DYNC1H1: variants seen among roughly 807,000 people sequenced by gnomAD.
The protein encoded by DYNC1H1 is cytoplasmic dynein 1 heavy chain 1.
DYNC1H1 carries 51 observed loss-of-function variants against 527.1 expected under a neutral mutation model. The observed-to-expected ratio is 0.10, with a 90% CI of 0.08 to 0.12. DYNC1H1 has a LOEUF of 0.12. Ranked by LOEUF, DYNC1H1 falls within the 10% of genes least tolerant of loss-of-function variation. The probability of loss-of-function intolerance (pLI) is 1.00; values close to 1 mark genes in which losing one functional copy is unlikely to be tolerated. For synonymous variants in DYNC1H1, 2,189 were observed against 2,278.8 expected (o/e 0.96, Z 1.12); for missense variants, 2,771 against 5,971.8 (o/e 0.46, Z 17.66).
At position 102,049,551 on chromosome 14, in the gene DYNC1H1, C is replaced by T. The variant is rs2048775145; in HGVS notation, c.13484C>T (p.Ala4495Val). 6.2e-7 allele frequency: 1 copy of T among 1,613,994 alleles called. No homozygotes were observed. The highest frequency in any genetic ancestry group is 1.1e-5 in the South Asian group (1 of 91,080). Residue 4495 changes from alanine (A) to valine (V), a missense_variant, in exon 75 of 78, where the codon GCA becomes GTA. Ala to Val is a moderately conservative substitution (Grantham distance 64). Transcript: ENST00000360184. This position sits in a 1 kb window ranked among gnomAD's most constrained non-coding sequence, Gnocchi z 5.5. ...RIKQLQNISL[A>V]AASGGAKELK... Reference sequence around the variant, plus strand: ...AAACAGCTGCAGAACATCTCACTGGCAGCTGCATCTGGTGGCGCCAAGGAG... The same window carrying T: ...AAACAGCTGCAGAACATCTCACTGGTAGCTGCATCTGGTGGCGCCAAGGAG...
rs1406415488 is a variant in DYNC1H1 at position 101,964,691 on chromosome 14, C to A, written c.-1C>A. On this transcript the variant is annotated 5_prime_UTR_variant, in exon 1 of 78. Transcript: ENST00000360184. This position sits in a 1 kb window ranked among gnomAD's most constrained non-coding sequence, Gnocchi z 5.5. ...TCCTGGAAGGTCCCGAGCGCGACAC[C>A]ATGTCGGAGCCCGGGGGCGGCGGCG... 5.0e-6 allele frequency: 8 copies of A among 1,589,438 alleles called. No homozygotes were observed. Among genetic ancestry groups the A allele is most frequent in the Non-Finnish European group, 6.8e-6 (8 of 1,173,294 alleles).
At chr14:101,990,466 A>T (rs2047984077) in intron 10 of DYNC1H1, among the ~76,000 whole-genome samples, 1 of 152,238 alleles carries the variant, frequency 6.6e-6, no homozygotes, top group Admixed American at 6.5e-5. Context: ...TGGGGAAGGC[A>T]CAAATGACAA....
intron 7 of DYNC1H1, among the ~76,000 whole-genome samples, chr14:101,984,450 ATTTT>A (rs34383305): frequency 4.3e-5 from 3 of 69,956 alleles, no homozygotes; most frequent in African/African-American, 1.9e-4. Flanking sequence ...TATATATTAT[ATTTT>A]TTTTTTTTTT....
At chr14:102,008,100 T>G in intron 28 of DYNC1H1, 78 bp from the exon 29 acceptor site, 2 of 1,600,096 alleles carry the variant, frequency 1.2e-6, no homozygotes, top group Non-Finnish European at 1.7e-6. Context: ...ATCAACATAC[T>G]GATTTGTGGC....
intron 18 of DYNC1H1, 138 bp downstream of exon 18, chr14:102,000,537 T>C (rs1311552166): frequency 1.2e-6 from 1 of 845,484 alleles, no homozygotes; most frequent in Non-Finnish European, 1.9e-6. Flanking sequence ...TCATTTACAT[T>C]ATTCGTCCAA....
In DYNC1H1 at chr14:102,034,883, G is replaced by A. The variant is rs139783304; in HGVS notation, c.10754+431G>A. On this transcript the variant is annotated intron_variant, in intron 56 of 77. Coordinates refer to ENST00000360184, the MANE Select transcript of DYNC1H1 (RefSeq NM_001376.5). ...AGAGGTTGCGGTGAGCCGAGATCAC[G>A]CCACTGCACCCCAGCCTGGGCAACA... 1,599 of 275,040 alleles carry A rather than the reference G, an allele frequency of 5.8e-3. 7 individuals are homozygous for A. Among genetic ancestry groups the A allele is most frequent in the Admixed American group, 8.6e-3 (179 of 20,772 alleles). The allele number at this position is 275,040 out of a possible 1,614,324, so 17.0% of individuals were successfully genotyped here.
rs1279048488 is a variant in DYNC1H1 at position 101,995,596 on chromosome 14, G to C, written c.3564+296G>C. On this transcript the variant is annotated intron_variant, in intron 15 of 77. Coordinates refer to ENST00000360184, the MANE Select transcript of DYNC1H1 (RefSeq NM_001376.5). Reference sequence around the variant, plus strand: ...ACTGCATTCCAGCCTGGGCAACAGAGTGAGACTCCGTCTCAAAAAAAAAAA... The same window carrying C: ...ACTGCATTCCAGCCTGGGCAACAGACTGAGACTCCGTCTCAAAAAAAAAAA... Among the ~76,000 whole-genome samples the C allele has an allele frequency of 2.0e-5, 3 of 149,372 alleles. No homozygotes were observed. The East Asian group carries it at 5.9e-4, about 30-fold the overall frequency.
In DYNC1H1 at chr14:102,055,444, C is replaced by G. The variant is rs1194119367; in HGVS notation, c.*4881C>G. 1 of 152,422 alleles carries G rather than the reference C, an allele frequency of 6.6e-6. No individual in the cohort carries two copies. The highest frequency in any genetic ancestry group is 1.5e-5 in the Non-Finnish European group (1 of 68,116). The allele number at this position is 152,422 out of a possible 1,614,324, so 9.4% of individuals were successfully genotyped here. ...GTCTCTGAAGCTGGGAGAACATGAC[C>G]CCATGCTCTCCTGTTGGAGTCACCA... On this transcript the variant is annotated 3_prime_UTR_variant, in exon 78 of 78. Transcript: ENST00000360184.
intron 11 of DYNC1H1, among the ~76,000 whole-genome samples, chr14:101,993,188 G>A (rs2048017900): frequency 6.6e-6 from 1 of 151,998 alleles, no homozygotes; most frequent in Admixed American, 6.6e-5. Flanking sequence ...TCATGGTATT[G>A]TCCTTGATTC....
Position 102,016,569 on chromosome 14 carries a change from C to T in DYNC1H1, c.7614+80C>T. 2 of 1,611,550 alleles carry T rather than the reference C, an allele frequency of 1.2e-6. No homozygotes were observed. The highest frequency in any genetic ancestry group is 1.1e-5 in the South Asian group (1 of 90,826). On this transcript the variant is annotated intron_variant, in intron 37 of 77. Transcript: ENST00000360184. The surrounding 1 kb of genome is among the most constrained non-coding windows in gnomAD (Gnocchi z 7.3). ...ATCCTGGAACAAGCTGACCATGGACCTTGGCTTCGTCTTTTCATTTTATTC... is the reference window on the plus strand; with the variant it reads ...ATCCTGGAACAAGCTGACCATGGACTTTGGCTTCGTCTTTTCATTTTATTC...
At position 102,000,178 on chromosome 14, in the gene DYNC1H1, G is replaced by T. The variant is rs532480116; in HGVS notation, c.3960+34G>T. On this transcript the variant is annotated intron_variant, in intron 17 of 77. Coordinates refer to ENST00000360184, the MANE Select transcript of DYNC1H1 (RefSeq NM_001376.5). Reference sequence around the variant, plus strand: ...CACTGGGGAGTGGGTGGAGAATCCCGCTCCCCACCCGGACTCTGCCATTGA... The same window carrying T: ...CACTGGGGAGTGGGTGGAGAATCCCTCTCCCCACCCGGACTCTGCCATTGA... 29 of 1,613,926 alleles carry T rather than the reference G, an allele frequency of 1.8e-5. 1 individual carries two copies. Among genetic ancestry groups the T allele is most frequent in the Middle Eastern group, 1.6e-4 (1 of 6,084 alleles).
Position 102,039,057 on chromosome 14 carries a change from G to A in DYNC1H1, c.11263G>A (p.Glu3755Lys), listed in dbSNP as rs2048611326. The change falls in exon 60 of 78, where the codon GAG becomes AAG. Residue 3755 changes from glutamate (E) to lysine (K), a missense_variant. Physicochemically the swap from Glu to Lys is moderately conservative, Grantham distance 56 (BLOSUM62 1). This residue lies in a region of DYNC1H1 where 283 missense variants were observed against 737.6 expected (regional missense o/e 0.38). Transcript: ENST00000360184. This position sits in a 1 kb window ranked among gnomAD's most constrained non-coding sequence, Gnocchi z 7.0. Reference protein sequence around the residue: ...LEKSLLQALNEVKGRILDDDT... With the variant: ...LEKSLLQALNKVKGRILDDDT... ...AAAATCTCTACTACAAGCTCTGAACGAGGTGAAAGGGCGCATTTTGGATGA... is the reference window on the plus strand; with the variant it reads ...AAAATCTCTACTACAAGCTCTGAACAAGGTGAAAGGGCGCATTTTGGATGA... 1.2e-6 allele frequency: 2 copies of A among 1,614,218 alleles called. No individual in the cohort carries two copies. Among genetic ancestry groups the A allele is most frequent in the South Asian group, 1.1e-5 (1 of 91,084 alleles).
chr14:102,043,627 T>C, intron 69 of DYNC1H1: 1 of 558,320 alleles, frequency 1.8e-6, no homozygotes, highest in Non-Finnish European at 3.2e-6. Flanking sequence ...TTTTCTGACA[T>C]TCTTAGAAAC....
At chr14:101,991,007 CAAAAAAAAA>C (rs113053648) in intron 10 of DYNC1H1, among the ~76,000 whole-genome samples, 1 of 68,428 alleles carries the variant, frequency 1.5e-5, no homozygotes, top group African/African-American at 4.9e-5. Context: ...GACTCCGTCT[CAAAAAAAAA>C]AAAAAAAAAT....
rs1448858206 is a variant in DYNC1H1, at chr14:102,033,862, A to G, written c.10414-114A>G. ...CTCTGGGACTGTGAACAACTTGGGC[A>G]CGTTTCTAACCCACCCAAAACCCTG... On this transcript the variant is annotated intron_variant, in intron 54 of 77. Transcript: ENST00000360184. This position sits in a 1 kb window ranked among gnomAD's most constrained non-coding sequence, Gnocchi z 5.6. 52 of 1,143,296 alleles carry G rather than the reference A, an allele frequency of 4.5e-5. No individual in the cohort carries two copies. In the Middle Eastern group the frequency reaches 1.2e-3, roughly 26 times the overall value. 70.8% of individuals were successfully genotyped at this position (1,143,296 alleles called of 1,614,324 possible). A position where few individuals can be genotyped will look rare whatever the true frequency, so the allele number is the denominator to read the frequency against.
At chr14:101,976,565 A>G (rs2047803973) in intron 2 of DYNC1H1, among the ~76,000 whole-genome samples, 1 of 152,100 alleles carries the variant, frequency 6.6e-6, no homozygotes, top group Non-Finnish European at 1.5e-5. Flanking sequence ...AAAAAAAGGA[A>G]AAGAAAACGC....
Position 102,012,739 on chromosome 14 carries a change from T to G in DYNC1H1, c.7014+269T>G, listed in dbSNP as rs530726691. On this transcript the variant is annotated intron_variant, in intron 34 of 77. Transcript: ENST00000360184. The surrounding 1 kb of genome is among the most constrained non-coding windows in gnomAD (Gnocchi z 4.9). Reference sequence around the variant, plus strand: ...TCTATGATTATCAGTTAACCCTGTATGGTGGGGTTGTCGTTAAGGTTTCTT... The same window carrying G: ...TCTATGATTATCAGTTAACCCTGTAGGGTGGGGTTGTCGTTAAGGTTTCTT... 1 of 495,836 alleles carries G rather than the reference T, an allele frequency of 2.0e-6. No homozygotes were observed. Among genetic ancestry groups the G allele is most frequent in the African/African-American group, 1.9e-5 (1 of 51,586 alleles). The allele number at this position is 495,836 out of a possible 1,614,324, so 30.7% of individuals were successfully genotyped here.
chr14:101,964,705 G>C lies in DYNC1H1; in HGVS notation c.14G>C (p.Gly5Ala). MSEP[G>A]GGGGEDGSAG... ...GAGCGCGACACCATGTCGGAGCCCG[G>C]GGGCGGCGGCGGCGAGGACGGCTCG... Residue 5 changes from glycine to alanine, a missense_variant, in exon 1 of 78, where the codon GGG becomes GCG. Coordinates refer to ENST00000360184, the MANE Select transcript of DYNC1H1 (RefSeq NM_001376.5). This position sits in a 1 kb window ranked among gnomAD's most constrained non-coding sequence, Gnocchi z 5.5. The C allele has an allele frequency of 6.3e-7, 1 of 1,595,444 alleles. No homozygotes were observed. Among genetic ancestry groups the C allele is most frequent in the South Asian group, 1.1e-5 (1 of 89,908 alleles).
rs1485489513 is a variant in DYNC1H1, at chr14:101,965,818, A to G, written c.256+871A>G. ...TATTTGAGTCTAATTTTACAGATTA[A>G]AAAAAAAAAAAAAGATTCAGGTTAG... On this transcript the variant is annotated intron_variant, in intron 1 of 77. Transcript: ENST00000360184. The surrounding 1 kb of genome is among the most constrained non-coding windows in gnomAD (Gnocchi z 4.1). Among the ~76,000 whole-genome samples the G allele has an allele frequency of 1.1e-5, 1 of 95,040 alleles. No homozygotes were observed. Among genetic ancestry groups the G allele is most frequent in the Admixed American group, 9.9e-5 (1 of 10,060 alleles). The allele number at this position is 95,040 out of a possible 152,430, so 62.3% of individuals were successfully genotyped here.
Sources: allele counts gnomAD v4.1 joint callset (sites outside exome capture counted in the v4.1 genomes callset), GRCh38; gene constraint gnomAD v4.1.1; regional missense constraint gnomAD v4.1.1; non-coding constraint Gnocchi (gnomAD v3.1); transcripts MANE v1.5; gene names NCBI Gene and HGNC (gene_info 2026-07-23, HGNC 2026-07-21).